Variants in CDC42BPA observed in about 807,000 individuals in gnomAD.
The protein encoded by CDC42BPA is serine/threonine-protein kinase MRCK alpha.
CDC42BPA carries 80 observed loss-of-function variants against 223.5 expected under a neutral mutation model. The observed-to-expected ratio is 0.36, with a 90% CI of 0.30 to 0.43. The LOEUF is 0.43. Ranked by LOEUF, CDC42BPA falls within the 20% of genes least tolerant of loss-of-function variation. The pLI is 1.00. For missense variants in CDC42BPA, 1,743 were observed against 2,099.9 expected (o/e 0.83, Z 3.32); for synonymous variants, 694 against 718.6 (o/e 0.97, Z 0.55).
At chr1:227,022,332 C>A (rs1667528327) in intron 32 of CDC42BPA, among the ~76,000 whole-genome samples, 1 of 151,910 alleles carries the variant, frequency 6.6e-6, no homozygotes, top group East Asian at 1.9e-4. Flanking sequence ...ACTCAGCAAG[C>A]TGAGGTGCAA....
intron 17 of CDC42BPA, among the ~76,000 whole-genome samples, chr1:227,076,300 A>T (rs901403414): frequency 1.3e-5 from 2 of 152,096 alleles, no homozygotes; most frequent in East Asian, 3.8e-4. Context: ...TCCGTTGCCC[A>T]TGCTAAAGTA....
chr1:227,155,222 T>TAA (rs1186953771), intron 6 of CDC42BPA, among the ~76,000 whole-genome samples: 3 of 152,150 alleles, frequency 2.0e-5, no homozygotes, highest in Non-Finnish European at 4.4e-5. Context: ...AAGGCTGTAA[T>TAA]AAAAGGACTG....
At position 227,000,001 on chromosome 1, in the gene CDC42BPA, T is replaced by A. The variant is rs188811405; in HGVS notation, c.4975+4993A>T. Reference sequence around the variant, plus strand: ...CATTAAGAGAAATACCTAATGTAGATGACGGGTTGATGGGTGCAGCAAACT... The same window carrying A: ...CATTAAGAGAAATACCTAATGTAGAAGACGGGTTGATGGGTGCAGCAAACT... On this transcript the variant is annotated intron_variant, in intron 35 of 36. Transcript: ENST00000366766. Among the ~76,000 whole-genome samples, 1,391 of 151,988 alleles carry A rather than the reference T, an allele frequency of 9.2e-3. 23 individuals are homozygous for A. The highest frequency in any genetic ancestry group is 0.032 in the African/African-American group (1,323 of 41,396).
chr1:227,173,635 G>A (rs115276522), intron 5 of CDC42BPA, among the ~76,000 whole-genome samples: 2,194 of 151,846 alleles, frequency 0.014, 23 homozygotes, highest in South Asian at 0.024. Context: ...GGCAATACTC[G>A]GTAAGCACTA....
At chr1:227,284,497 C>A (rs1391663577) in intron 1 of CDC42BPA, among the ~76,000 whole-genome samples, 1 of 152,132 alleles carries the variant, frequency 6.6e-6, no homozygotes, top group Non-Finnish European at 1.5e-5. Context: ...CCACCACCAT[C>A]CCCAGGAGAG....
intron 24 of CDC42BPA, among the ~76,000 whole-genome samples, chr1:227,039,426 A>G (rs1481031263): frequency 6.6e-6 from 1 of 152,162 alleles, no homozygotes; most frequent in Non-Finnish European, 1.5e-5. Flanking sequence ...ATTTCATTTG[A>G]TTTTTTAAAA....
chr1:227,188,927 G>C (rs932149473), intron 5 of CDC42BPA, among the ~76,000 whole-genome samples: 1 of 152,094 alleles, frequency 6.6e-6, no homozygotes, highest in African/African-American at 2.4e-5. Flanking sequence ...GATAGTGGGG[G>C]AGGCTGTGCG....
At position 227,121,762 on chromosome 1, in the gene CDC42BPA, G is replaced by A. The variant is rs1357591862; in HGVS notation, c.1514-1825C>T. Among the ~76,000 whole-genome samples, 4 of 147,922 alleles carry A rather than the reference G, an allele frequency of 2.7e-5. No homozygotes were observed. The East Asian group carries it at 7.8e-4, about 29-fold the overall frequency. ...CACATTTAAATATTTTCTAGTTTAA[G>A]TTTTTAACATTTTTAGGATACCAAC... is the stretch of plus-strand genomic sequence containing the variant. On this transcript the variant is annotated intron_variant, in intron 11 of 36. Coordinates refer to ENST00000366766, the MANE Select transcript of CDC42BPA (RefSeq NM_001394014.1).
At chr1:227,239,897 A>G (rs560754428) in intron 2 of CDC42BPA, among the ~76,000 whole-genome samples, 3 of 152,240 alleles carry the variant, frequency 2.0e-5, no homozygotes, top group Admixed American at 1.3e-4. Context: ...CCATTTCAAC[A>G]CTGTATTAGA....
At chr1:227,274,360 A>T (rs1686571580) in intron 1 of CDC42BPA, among the ~76,000 whole-genome samples, 1 of 152,210 alleles carries the variant, frequency 6.6e-6, no homozygotes, top group Admixed American at 6.5e-5. Context: ...GAGGATCCTT[A>T]GGAAGAGCAT....
chr1:227,304,475 T>C (rs1692219717), intron 1 of CDC42BPA, among the ~76,000 whole-genome samples: 1 of 152,046 alleles, frequency 6.6e-6, no homozygotes, highest in African/African-American at 2.4e-5. Flanking sequence ...TTCTAATTAT[T>C]AAATAATTTT....
chr1:227,286,346 G>T (rs2148616304), intron 1 of CDC42BPA, among the ~76,000 whole-genome samples: 1 of 152,282 alleles, frequency 6.6e-6, no homozygotes, highest in Non-Finnish European at 1.5e-5. Flanking sequence ...TCACTCTTAA[G>T]ATCAGCCTTT....
chr1:227,022,433 CA>C (rs561270900), intron 32 of CDC42BPA, among the ~76,000 whole-genome samples: 3,367 of 141,904 alleles, frequency 0.024, 110 homozygotes, highest in African/African-American at 0.081. Context: ...ACTCCCGTCT[CA>C]AAAAAAAAAA....
chr1:227,034,610 T>C, intron 26 of CDC42BPA, 45 bp downstream of exon 26: 2 of 1,527,054 alleles, frequency 1.3e-6, no homozygotes, highest in Non-Finnish European at 1.8e-6. Flanking sequence ...ACTTTAAAAT[T>C]CCTATGTTGC....
intron 16 of CDC42BPA, among the ~76,000 whole-genome samples, 197 bp from the exon 17 acceptor site, chr1:227,081,214 T>A (rs1030243928): frequency 6.6e-6 from 1 of 152,152 alleles, no homozygotes; most frequent in Non-Finnish European, 1.5e-5. Flanking sequence ...CCTTACAACC[T>A]ACAGTGACTT....
chr1:227,236,516 A>G (rs1418270713), intron 2 of CDC42BPA, among the ~76,000 whole-genome samples: 1 of 150,020 alleles, frequency 6.7e-6, no homozygotes, highest in East Asian at 2.0e-4. Context: ...TTTAAAAATA[A>G]TTTGTAAGAC....
chr1:227,072,801 A>T (rs572903795), intron 19 of CDC42BPA, among the ~76,000 whole-genome samples: 1 of 152,112 alleles, frequency 6.6e-6, no homozygotes, highest in South Asian at 2.1e-4. Flanking sequence ...CAATATGTAA[A>T]CTCATCTGTC....
intron 14 of CDC42BPA, among the ~76,000 whole-genome samples, chr1:227,108,926 A>T (rs1359228102): frequency 6.6e-6 from 1 of 152,186 alleles, no homozygotes; most frequent in Non-Finnish European, 1.5e-5. Flanking sequence ...CCTGTACAGT[A>T]TGGTACTGTC....
chr1:227,237,766 C>T (rs1225050600), intron 2 of CDC42BPA, among the ~76,000 whole-genome samples: 2 of 151,908 alleles, frequency 1.3e-5, no homozygotes, highest in Non-Finnish European at 2.9e-5. Flanking sequence ...ATTGGCCAGG[C>T]GCGGGGGCTC....
Sources: gnomAD v4.1 joint callset for allele counts (sites outside exome capture counted in the v4.1 genomes callset) on GRCh38, gnomAD v4.1.1 for gene constraint, MANE v1.5 for transcripts, NCBI Gene and HGNC (gene_info 2026-07-23, HGNC 2026-07-21) for gene names.